The following GOLT1B variants were observed in gnomAD, a reference collection of about 807,000 sequenced individuals.
GOLT1B encodes vesicle transport protein GOT1B.
A neutral mutation model predicts 15.4 loss-of-function variants in GOLT1B; 3 were observed. The observed-to-expected ratio is 0.19, with a 90% confidence interval of 0.09 to 0.50. GOLT1B has a LOEUF of 0.50. Ranked by LOEUF, GOLT1B falls within the 20% of genes least tolerant of loss-of-function variation. GOLT1B has a pLI of 0.97. For missense variants in GOLT1B, 145 were observed against 160.4 expected (o/e 0.90, Z 0.52); for synonymous variants, 65 against 56.2 (o/e 1.16, Z -0.70).
intron 3 of GOLT1B, among the ~76,000 whole-genome samples, chr12:21,511,014 G>T (rs572865979): frequency 6.6e-6 from 1 of 152,168 alleles, no homozygotes; most frequent in South Asian, 2.1e-4. Flanking sequence ...CAACAGCTGG[G>T]TGTCCTCCCA....
In GOLT1B at chr12:21,501,843, T is replaced by G. The variant is rs1943627623; in HGVS notation, c.-81T>G. ...CGTGGCGGCTCTCGCCTGGGCTGTT[T>G]CCCGGCTTCATTTCTCCCGACTCAG... On this transcript the variant is annotated 5_prime_UTR_variant, in exon 1 of 5. Transcript: ENST00000229314. 2.0e-6 allele frequency: 2 copies of G among 992,622 alleles called. No individual in the cohort carries two copies. Among genetic ancestry groups the G allele is most frequent in the South Asian group, 1.3e-5 (1 of 75,186 alleles). 61.5% of individuals were successfully genotyped at this position (992,622 alleles called of 1,614,324 possible).
intron 1 of GOLT1B, among the ~76,000 whole-genome samples, chr12:21,503,325 A>T (rs989164284): frequency 6.6e-6 from 1 of 152,226 alleles, no homozygotes; most frequent in Admixed American, 6.5e-5. Context: ...GAGGCACAAA[A>T]GAAATTGAGT....
In GOLT1B at chr12:21,501,913, C is replaced by A; in HGVS notation, c.-11C>A. The A allele has an allele frequency of 2.5e-6, 4 of 1,603,138 alleles. No homozygotes were observed. Among genetic ancestry groups the A allele is most frequent in the Non-Finnish European group, 3.4e-6 (4 of 1,170,074 alleles). On this transcript the variant is annotated 5_prime_UTR_variant, in exon 1 of 5. Coordinates refer to ENST00000229314, the MANE Select transcript of GOLT1B (RefSeq NM_016072.5). ...CGAGGTGCTGTCGCCGCTGTCCCCA[C>A]CACTGCAGCCATGATCTCCTTAACG...
chr12:21,512,290 C>G lies in GOLT1B; in HGVS notation c.297-5C>G, dbSNP rs1424082255. On this transcript the variant is annotated splice_polypyrimidine_tract_variant and splice_region_variant and intron_variant, in intron 3 of 4. Coordinates refer to ENST00000229314, the MANE Select transcript of GOLT1B (RefSeq NM_016072.5). ...TATTAAGAACCTTTTTTTTCCCTCT[C>G]CCAGGGGCTTCTTTCCTGTCGTTGT... 4.7e-6 allele frequency: 7 copies of G among 1,484,088 alleles called. No individual in the cohort carries two copies. In the East Asian group the frequency reaches 1.6e-4, roughly 34 times the overall value. 91.9% of individuals were successfully genotyped at this position (1,484,088 alleles called of 1,614,324 possible).
Position 21,512,308 on chromosome 12 carries a change from G to A in GOLT1B, c.310G>A (p.Val104Ile). 2 of 1,561,042 alleles carry A rather than the reference G, an allele frequency of 1.3e-6. No individual in the cohort carries two copies. Among genetic ancestry groups the A allele is most frequent in the East Asian group, 4.5e-5 (2 of 44,454 alleles). The part of the protein sequence containing the change: ...FFLLFRGFFP[V>I]VVGFIRRVPV... ...TCCCTCTCCCAGGGGCTTCTTTCCT[G>A]TCGTTGTTGGCTTTATTAGAAGAGT... Residue 104 changes from valine (V) to isoleucine (I), a missense_variant, in exon 4 of 5, where the codon GTC becomes ATC. Transcript: ENST00000229314.
intron 3 of GOLT1B, among the ~76,000 whole-genome samples, chr12:21,510,935 G>C (rs1254980592): frequency 2.0e-5 from 3 of 152,168 alleles, no homozygotes; most frequent in Non-Finnish European, 4.4e-5. Flanking sequence ...AATCAACACA[G>C]AAGACTGCTG....
intron 3 of GOLT1B, among the ~76,000 whole-genome samples, chr12:21,511,538 A>G (rs908605930): frequency 6.6e-6 from 1 of 152,120 alleles, no homozygotes; most frequent in African/African-American, 2.4e-5. Flanking sequence ...CAGCCCTCTA[A>G]TCTTGCCTTG....
chr12:21,508,282 C>A, intron 2 of GOLT1B, 101 bp from the exon 3 acceptor site: 1 of 739,566 alleles, frequency 1.4e-6, no homozygotes, highest in Non-Finnish European at 2.2e-6. Flanking sequence ...AAAAGCCAAA[C>A]AAATGTGCTT....
chr12:21,513,358 G>A (rs1565583041), intron 4 of GOLT1B, among the ~76,000 whole-genome samples: 1 of 152,104 alleles, frequency 6.6e-6, no homozygotes, highest in Non-Finnish European at 1.5e-5. Flanking sequence ...ATCTTTTGGT[G>A]GAGTCTTAGA....
Position 21,508,413 on chromosome 12 carries a change from A to G in GOLT1B, c.148A>G (p.Ile50Val). 6.3e-7 allele frequency: 1 copy of G among 1,577,750 alleles called. No homozygotes were observed. Among genetic ancestry groups the G allele is most frequent in the Non-Finnish European group, 8.6e-7 (1 of 1,163,462 alleles). The change falls in exon 3 of 5, where the codon ATT becomes GTT. Residue 50 changes from isoleucine to valine, a missense_variant. Ile to Val is a conservative substitution (Grantham distance 29). Transcript: ENST00000229314. ...VLFVAGLAFV[I>V]GLERTFRFFF... ...ATTTGTAGCCGGCTTGGCTTTTGTA[A>G]TTGGTTTAGAAAGAACATTCAGATT...
At chr12:21,512,648 G>C (rs1469263378) in intron 4 of GOLT1B, among the ~76,000 whole-genome samples, 3 of 151,940 alleles carry the variant, frequency 2.0e-5, no homozygotes, top group Non-Finnish European at 4.4e-5. Flanking sequence ...CTTTCTCTTT[G>C]AGAGTTCAGG....
intron 4 of GOLT1B, chr12:21,515,385 A>T: frequency 1.7e-6 from 1 of 600,060 alleles, no homozygotes. Flanking sequence ...TTCATCTTAT[A>T]CAATTTCTTT....
At chr12:21,513,644 G>T (rs1451726672) in intron 4 of GOLT1B, among the ~76,000 whole-genome samples, 1 of 151,824 alleles carries the variant, frequency 6.6e-6, no homozygotes, top group South Asian at 2.1e-4. Flanking sequence ...AAAAAAAAAG[G>T]CTTCAGGCCA....
chr12:21,513,459 T>A (rs918322840), intron 4 of GOLT1B, among the ~76,000 whole-genome samples: 1 of 152,098 alleles, frequency 6.6e-6, no homozygotes, highest in Non-Finnish European at 1.5e-5. Context: ...TCTATAACAT[T>A]CCTGTGCACA....
At chr12:21,513,667 C>A (rs1220196386) in intron 4 of GOLT1B, among the ~76,000 whole-genome samples, 1 of 151,812 alleles carries the variant, frequency 6.6e-6, no homozygotes, top group African/African-American at 2.4e-5. Flanking sequence ...CATGGTGGTT[C>A]ACTCCTGTAA....
At chr12:21,509,482 T>TATCCTTTG (rs576913965) in intron 3 of GOLT1B, among the ~76,000 whole-genome samples, 159 of 149,172 alleles carry the variant, frequency 1.1e-3, no homozygotes, top group Non-Finnish European at 1.9e-3. Context: ...CAGAAATGCA[T>TATCCTTTG]ATCCTTTGTC....
intron 1 of GOLT1B, among the ~76,000 whole-genome samples, chr12:21,505,318 T>C (rs1194590756): frequency 6.6e-6 from 1 of 152,206 alleles, no homozygotes; most frequent in Non-Finnish European, 1.5e-5. Context: ...AAGCTGCCGA[T>C]GTTTAATCCT....
chr12:21,503,939 A>T (rs543838506), intron 1 of GOLT1B, among the ~76,000 whole-genome samples: 4 of 152,246 alleles, frequency 2.6e-5, no homozygotes, highest in Admixed American at 1.3e-4. Context: ...TCTTCATTTC[A>T]TCACATTGTC....
intron 1 of GOLT1B, among the ~76,000 whole-genome samples, chr12:21,506,640 C>G (rs1943680607): frequency 6.6e-6 from 1 of 151,966 alleles, no homozygotes; most frequent in African/African-American, 2.4e-5. Context: ...ATAGCTATGT[C>G]TGAGAAATGC....
Sources: allele counts gnomAD v4.1 joint callset (sites outside exome capture counted in the v4.1 genomes callset), GRCh38; gene constraint gnomAD v4.1.1; transcripts MANE v1.5; gene names NCBI Gene and HGNC (gene_info 2026-07-23, HGNC 2026-07-21).